The following MAD1L1 variants were observed in gnomAD, a reference collection of about 807,000 sequenced individuals.
MAD1L1 encodes mitotic spindle assembly checkpoint protein MAD1.
Under a neutral mutation model 96.9 loss-of-function variants are expected in MAD1L1, and 95 were observed. That is an observed-to-expected ratio of 0.98 (90% CI 0.83 to 1.16). MAD1L1 has a LOEUF of 1.16. Ranked by LOEUF, MAD1L1 falls within the 50% of genes most tolerant of loss-of-function variation. MAD1L1 has a pLI of 0.00. For missense variants in MAD1L1, 1,007 were observed against 954.4 expected (o/e 1.06, Z -0.73); for synonymous variants, 473 against 396.6 (o/e 1.19, Z -2.29).
intron 16 of MAD1L1, among the ~76,000 whole-genome samples, chr7:1,952,954 C>T (rs1438844149): frequency 1.3e-5 from 2 of 152,230 alleles, no homozygotes; most frequent in African/African-American, 4.8e-5. Flanking sequence ...TACAGGGACA[C>T]GACCCCAGCC....
chr7:2,214,287 G>A (rs548743799), intron 9 of MAD1L1, among the ~76,000 whole-genome samples: 11 of 152,304 alleles, frequency 7.2e-5, no homozygotes, highest in South Asian at 2.1e-4. Flanking sequence ...AAATTACACC[G>A]CGGGAGAGAG....
At chr7:2,185,457 A>G (rs978765022) in intron 10 of MAD1L1, among the ~76,000 whole-genome samples, 1 of 152,182 alleles carries the variant, frequency 6.6e-6, no homozygotes, top group African/African-American at 2.4e-5. Context: ...ATACTCACTC[A>G]ATTATATACA....
chr7:1,861,121 A>G (rs1784523891), intron 18 of MAD1L1, among the ~76,000 whole-genome samples: 1 of 152,088 alleles, frequency 6.6e-6, no homozygotes, highest in Non-Finnish European at 1.5e-5. Flanking sequence ...TGACTGGACA[A>G]CTGCCTCCAT....
chr7:2,102,315 A>G (rs1786839651), intron 11 of MAD1L1, among the ~76,000 whole-genome samples: 2 of 148,146 alleles, frequency 1.4e-5, no homozygotes, highest in East Asian at 2.0e-4. Context: ...CACCGTCACC[A>G]TCACCGCCGT....
In MAD1L1 at chr7:2,045,022, G is replaced by A. The variant is rs528070644; in HGVS notation, c.1218+24172C>T. On this transcript the variant is annotated intron_variant, in intron 12 of 18. Coordinates refer to ENST00000265854, the MANE Select transcript of MAD1L1 (RefSeq NM_001013836.2). ...GGCCACACGCCCAAGCCACACGGCC[G>A]CAGAGGCACGATCTGAGCCAGGGCG... Among the ~76,000 whole-genome samples, 65 of 152,310 alleles carry A rather than the reference G, an allele frequency of 4.3e-4. 1 individual carries two copies. In the South Asian group the frequency reaches 0.012, roughly 29 times the overall value.
intron 4 of MAD1L1, 26 bp downstream of exon 4, chr7:2,225,384 C>A (rs1793834477): frequency 3.1e-6 from 5 of 1,610,620 alleles, no homozygotes; most frequent in Non-Finnish European, 4.2e-6. Flanking sequence ...GCTGTCTGGG[C>A]CGACCCTCGC....
intron 13 of MAD1L1, among the ~76,000 whole-genome samples, chr7:2,011,005 A>T (rs1185262033): frequency 6.6e-6 from 1 of 152,094 alleles, no homozygotes; most frequent in African/African-American, 2.4e-5. Flanking sequence ...AGGGAAAAGG[A>T]GACGGGAAAC....
chr7:1,904,543 C>T (rs562656653), intron 17 of MAD1L1, among the ~76,000 whole-genome samples: 1 of 130,386 alleles, frequency 7.7e-6, no homozygotes, highest in East Asian at 2.2e-4. Context: ...AAGCACTGTT[C>T]CAGGCAGCGA....
chr7:2,144,711 C>T (rs1252772964), intron 11 of MAD1L1, among the ~76,000 whole-genome samples: 1 of 152,102 alleles, frequency 6.6e-6, no homozygotes, highest in Admixed American at 6.5e-5. Flanking sequence ...CAGGGCAGCC[C>T]CGGGGTGCCC....
intron 12 of MAD1L1, among the ~76,000 whole-genome samples, chr7:2,048,270 C>T (rs546010919): frequency 1.3e-5 from 2 of 152,200 alleles, no homozygotes; most frequent in Middle Eastern, 3.2e-3. Context: ...TAGAGGGACT[C>T]GGAGAATGAG....
At chr7:2,101,160 G>A (rs1786762735) in intron 11 of MAD1L1, among the ~76,000 whole-genome samples, 1 of 152,212 alleles carries the variant, frequency 6.6e-6, no homozygotes, top group Non-Finnish European at 1.5e-5. Context: ...CAAGGGACTG[G>A]AAAAACCCTA....
chr7:1,945,367 A>T (rs1361705599), intron 16 of MAD1L1, among the ~76,000 whole-genome samples: 2 of 152,250 alleles, frequency 1.3e-5, no homozygotes, highest in African/African-American at 4.8e-5. Context: ...CATGATGATG[A>T]TGAACACTTA....
chr7:1,950,849 G>A lies in MAD1L1; in HGVS notation c.1596+6780C>T, dbSNP rs75016852. Reference sequence around the variant, plus strand: ...GGTGGGTCCTGGCTCTGCCACCCGTGCTCCTCGTTCAGCTCACAGCACATC... The same window carrying A: ...GGTGGGTCCTGGCTCTGCCACCCGTACTCCTCGTTCAGCTCACAGCACATC... On this transcript the variant is annotated intron_variant, in intron 16 of 18. Transcript: ENST00000265854. Among the ~76,000 whole-genome samples the A allele has an allele frequency of 2.4e-4, 36 of 152,362 alleles. 1 individual carries two copies. The East Asian group carries it at 2.5e-3, about 11-fold the overall frequency.
intron 18 of MAD1L1, among the ~76,000 whole-genome samples, chr7:1,865,946 C>T (rs1193229269): frequency 6.6e-6 from 1 of 152,252 alleles, no homozygotes; most frequent in Non-Finnish European, 1.5e-5. Context: ...GTGACAGGCA[C>T]CATCGGCCCG....
At chr7:2,051,812 C>T (rs887385666) in intron 12 of MAD1L1, among the ~76,000 whole-genome samples, 14 of 150,718 alleles carry the variant, frequency 9.3e-5, no homozygotes, top group African/African-American at 3.2e-4. Context: ...CCCCCAACCC[C>T]ATCCCCCACC....
Position 2,189,934 on chromosome 7 carries a change from A to G in MAD1L1, c.986+23278T>C, listed in dbSNP as rs186815000. 5.9e-5 allele frequency among the ~76,000 whole-genome samples: 9 copies of G among 152,326 alleles called. 1 individual carries two copies. In the East Asian group the frequency reaches 1.5e-3, roughly 26 times the overall value. ...TAAACGCTTTCCCTCTAAGGCTGAC[A>G]AGGCCAGGACAGCCATTCTCACCAT... is the stretch of plus-strand genomic sequence containing the variant. On this transcript the variant is annotated intron_variant, in intron 10 of 18. Coordinates refer to ENST00000265854, the MANE Select transcript of MAD1L1 (RefSeq NM_001013836.2).
At chr7:2,078,370 T>A (rs1175843374) in intron 11 of MAD1L1, among the ~76,000 whole-genome samples, 1 of 152,168 alleles carries the variant, frequency 6.6e-6, no homozygotes, top group Non-Finnish European at 1.5e-5. Context: ...TCGCTGCGAA[T>A]GGGCAGGGGA....
chr7:1,894,146 G>T (rs1414240892), intron 18 of MAD1L1, among the ~76,000 whole-genome samples: 1 of 152,228 alleles, frequency 6.6e-6, no homozygotes, highest in African/African-American at 2.4e-5. Flanking sequence ...GGAATGACAG[G>T]TGGATGGGGC....
chr7:2,222,851 CA>C lies in MAD1L1; in HGVS notation c.292-98del, dbSNP rs5881919. ...ACCTCTCTCAGAACATGCCGAGGCA[CA>C]AAAAAGAGCCGAGCAGGACCCATGA... On this transcript the variant is annotated intron_variant, in intron 4 of 18. Coordinates refer to ENST00000265854, the MANE Select transcript of MAD1L1 (RefSeq NM_001013836.2). 14,828 of 1,043,504 alleles carry C rather than the reference CA, an allele frequency of 0.014. 1,530 individuals are homozygous for C. In the African/African-American group the frequency reaches 0.21, roughly 15 times the overall value. The allele number at this position is 1,043,504 out of a possible 1,614,324, so 64.6% of individuals were successfully genotyped here. A position where few individuals can be genotyped will look rare whatever the true frequency, so the allele number is the denominator to read the frequency against.
Sources: allele counts gnomAD v4.1 joint callset (sites outside exome capture counted in the v4.1 genomes callset), GRCh38; gene constraint gnomAD v4.1.1; transcripts MANE v1.5; gene names NCBI Gene and HGNC (gene_info 2026-07-23, HGNC 2026-07-21).